Variants in LRP1B observed in about 807,000 individuals in gnomAD.
LRP1B encodes low-density lipoprotein receptor-related protein 1B.
In LRP1B, 217 loss-of-function variants were observed where a neutral mutation model predicts 556.6. The observed-to-expected ratio is 0.39, with a 90% CI of 0.35 to 0.44. The LOEUF (loss-of-function observed/expected upper bound fraction) is 0.44. Among genes scored for constraint, LRP1B ranks in the 20% least tolerant of loss-of-function variants. LRP1B has a pLI of 1.00. For synonymous variants in LRP1B, 2,047 were observed against 1,865.8 expected, an observed-to-expected ratio of 1.10 and a Z score of -2.50; for missense variants, 5,053 against 5,620.8, an observed-to-expected ratio of 0.90 and a Z score of 3.23.
intron 6 of LRP1B, among the ~76,000 whole-genome samples, chr2:141,200,381 T>G (rs937201504): frequency 5.3e-5 from 8 of 152,068 alleles, no homozygotes; most frequent in Non-Finnish European, 1.2e-4. Flanking sequence ...CACTGAGGCC[T>G]GCCGGGGGTG....
chr2:140,499,416 T>C (rs903789020), intron 55 of LRP1B, among the ~76,000 whole-genome samples: 1 of 151,632 alleles, frequency 6.6e-6, no homozygotes, highest in African/African-American at 2.4e-5. Context: ...ATGTATCACA[T>C]AGAACAAACA....
intron 35 of LRP1B, among the ~76,000 whole-genome samples, chr2:140,752,179 G>C (rs901810926): frequency 6.6e-6 from 1 of 152,024 alleles, no homozygotes; most frequent in African/African-American, 2.4e-5. Flanking sequence ...GCTCGGCGTG[G>C]TGGCACGCAC....
chr2:141,740,415 T>C (rs1693652470), intron 2 of LRP1B, among the ~76,000 whole-genome samples: 1 of 152,168 alleles, frequency 6.6e-6, no homozygotes, highest in African/African-American at 2.4e-5. Context: ...AAAGCCAGTG[T>C]ACTTAATAAT....
intron 84 of LRP1B, among the ~76,000 whole-genome samples, chr2:140,290,995 G>A (rs568713969): frequency 6.6e-6 from 1 of 152,012 alleles, no homozygotes; most frequent in South Asian, 2.1e-4. Context: ...TGGACTAATA[G>A]TATTAATCTC....
At chr2:141,413,051 A>T (rs1164167934) in intron 3 of LRP1B, among the ~76,000 whole-genome samples, 1 of 152,022 alleles carries the variant, frequency 6.6e-6, no homozygotes, top group African/African-American at 2.4e-5. Flanking sequence ...GCACAGTGAG[A>T]CCCCATCTCT....
At chr2:141,890,737 T>C (rs1699266146) in intron 1 of LRP1B, among the ~76,000 whole-genome samples, 1 of 152,122 alleles carries the variant, frequency 6.6e-6, no homozygotes, top group Admixed American at 6.6e-5. Context: ...ATATTGACCT[T>C]CTAAGTATCT....
rs943072768 is a variant in LRP1B at position 141,044,001 on chromosome 2, A to G, written c.1789+4985T>C. ...AAAGGAACAAAGGTGGAGGCATCACACTACCTGACTTCAAACTATACTACA... is the reference window on the plus strand; with the variant it reads ...AAAGGAACAAAGGTGGAGGCATCACGCTACCTGACTTCAAACTATACTACA... On this transcript the variant is annotated intron_variant, in intron 11 of 90. Transcript: ENST00000389484. Among the ~76,000 whole-genome samples the G allele has an allele frequency of 6.6e-5, 10 of 152,118 alleles. No homozygotes were observed. In the East Asian group the frequency reaches 1.4e-3, roughly 21 times the overall value.
At chr2:141,717,569 T>C (rs1219533076) in intron 2 of LRP1B, among the ~76,000 whole-genome samples, 1 of 152,176 alleles carries the variant, frequency 6.6e-6, no homozygotes, top group Non-Finnish European at 1.5e-5. Flanking sequence ...GCTGTTCTTC[T>C]GAGACTGTCA....
intron 66 of LRP1B, among the ~76,000 whole-genome samples, chr2:140,416,481 C>T (rs1344333845): frequency 6.6e-6 from 1 of 151,992 alleles, no homozygotes; most frequent in African/African-American, 2.4e-5. Context: ...CATGGTGAAA[C>T]ATGTCTCTAC....
At chr2:141,621,387 G>C (rs1198642537) in intron 2 of LRP1B, among the ~76,000 whole-genome samples, 1 of 152,088 alleles carries the variant, frequency 6.6e-6, no homozygotes, top group Non-Finnish European at 1.5e-5. Context: ...GACTTGATAA[G>C]ACAGAAAATA....
chr2:141,276,500 A>C (rs552914392), intron 3 of LRP1B, among the ~76,000 whole-genome samples: 10 of 152,038 alleles, frequency 6.6e-5, no homozygotes, highest in African/African-American at 2.4e-4. Context: ...CTTTGTGTCC[A>C]TATGTACTCA....
At chr2:141,223,776 A>G (rs913586902) in intron 6 of LRP1B, among the ~76,000 whole-genome samples, 7 of 152,208 alleles carry the variant, frequency 4.6e-5, no homozygotes, top group African/African-American at 7.2e-5. Flanking sequence ...GAAACAAGCA[A>G]TGGGGAAATG....
chr2:140,511,689 TC>T (rs11342810), intron 51 of LRP1B, among the ~76,000 whole-genome samples: 113,203 of 151,916 alleles, frequency 0.75, 42,772 homozygotes, highest in African/African-American at 0.84. Flanking sequence ...TGTTGACAAA[TC>T]CCCCCCGTAA....
intron 31 of LRP1B, among the ~76,000 whole-genome samples, chr2:140,836,025 C>T (rs1042121567): frequency 1.3e-5 from 2 of 152,184 alleles, no homozygotes; most frequent in Admixed American, 6.5e-5. Flanking sequence ...TAGACACACA[C>T]ACATCTGTAT....
intron 14 of LRP1B, among the ~76,000 whole-genome samples, chr2:141,007,836 T>G (rs1024255397): frequency 6.6e-6 from 1 of 151,790 alleles, no homozygotes; most frequent in African/African-American, 2.4e-5. Flanking sequence ...GAAATTTAAG[T>G]ATTTAAAAAT....
At chr2:141,268,422 A>G (rs1684968842) in intron 3 of LRP1B, among the ~76,000 whole-genome samples, 2 of 152,156 alleles carry the variant, frequency 1.3e-5, no homozygotes, top group South Asian at 4.1e-4. Flanking sequence ...GAAGATAATG[A>G]GAGAGATGAT....
At chr2:140,580,740 G>A (rs766877332) in intron 43 of LRP1B, among the ~76,000 whole-genome samples, 1 of 152,136 alleles carries the variant, frequency 6.6e-6, no homozygotes, top group Admixed American at 6.5e-5. Context: ...TGAGTTAATG[G>A]CTTTTTATCT....
intron 1 of LRP1B, among the ~76,000 whole-genome samples, chr2:142,113,554 C>T (rs1303270885): frequency 1.3e-5 from 2 of 151,186 alleles, no homozygotes; most frequent in South Asian, 4.2e-4. Context: ...AAGGTCTCAT[C>T]AGCCACCAGA....
intron 41 of LRP1B, among the ~76,000 whole-genome samples, chr2:140,686,283 T>C (rs1236970690): frequency 6.6e-6 from 1 of 152,080 alleles, no homozygotes; most frequent in Non-Finnish European, 1.5e-5. Flanking sequence ...AAAATATAAA[T>C]CAGTGTTTTA....
Sources: allele counts gnomAD v4.1 joint callset (sites outside exome capture counted in the v4.1 genomes callset), GRCh38; gene constraint gnomAD v4.1.1; transcripts MANE v1.5; gene names NCBI Gene and HGNC (gene_info 2026-07-23, HGNC 2026-07-21).